The following PDZRN4 variants were observed in gnomAD, a reference collection of about 807,000 sequenced individuals.
The protein encoded by PDZRN4 is PDZ domain-containing RING finger protein 4.
PDZRN4 carries 70 observed loss-of-function variants against 99.0 expected under a neutral mutation model. That is an observed-to-expected ratio of 0.71 (90% CI 0.58 to 0.86). The LOEUF is 0.86. Ranked by LOEUF, PDZRN4 falls within the 40% of genes least tolerant of loss-of-function variation. The pLI is 0.00. For synonymous variants in PDZRN4, 551 were observed against 501.6 expected (o/e 1.10, Z -1.32); for missense variants, 1,474 against 1,331.2 (o/e 1.11, Z -1.67).
intron 3 of PDZRN4, among the ~76,000 whole-genome samples, chr12:41,449,191 G>A (rs1952754264): frequency 6.6e-6 from 1 of 152,162 alleles, no homozygotes; most frequent in Non-Finnish European, 1.5e-5. Flanking sequence ...GTGTGGTTCA[G>A]ACATTGTTTT....
intron 3 of PDZRN4, among the ~76,000 whole-genome samples, chr12:41,346,248 G>A (rs10880048): frequency 0.38 from 58,469 of 151,940 alleles, 11,332 homozygotes; most frequent in African/African-American, 0.41. Flanking sequence ...AGATCACGAG[G>A]TCAGGAGATC....
chr12:41,465,860 T>A (rs1952919371), intron 3 of PDZRN4, among the ~76,000 whole-genome samples: 1 of 152,238 alleles, frequency 6.6e-6, no homozygotes, highest in Non-Finnish European at 1.5e-5. Flanking sequence ...GCCACAGTAC[T>A]TTCACAAAAT....
At chr12:41,197,946 G>T (rs1405091252) in intron 3 of PDZRN4, among the ~76,000 whole-genome samples, 1 of 21,192 alleles carries the variant, frequency 4.7e-5, no homozygotes, top group African/African-American at 1.9e-4. Context: ...ACAGGATCTT[G>T]CTCTGTCACC....
At chr12:41,571,132 C>CCTAT (rs572412117) in intron 9 of PDZRN4, among the ~76,000 whole-genome samples, 1 of 151,788 alleles carries the variant, frequency 6.6e-6, no homozygotes, top group Non-Finnish European at 1.5e-5. Flanking sequence ...TATATCTATA[C>CCTAT]CTATCTATCT....
intron 3 of PDZRN4, among the ~76,000 whole-genome samples, chr12:41,359,441 G>A (rs10785255): frequency 0.36 from 54,553 of 151,732 alleles, 9,910 homozygotes; most frequent in Non-Finnish European, 0.39. Context: ...TATTTGGCAA[G>A]CTAGGACTTA....
At chr12:41,295,877 A>G (rs776550524) in intron 3 of PDZRN4, among the ~76,000 whole-genome samples, 2 of 152,212 alleles carry the variant, frequency 1.3e-5, no homozygotes, top group East Asian at 1.9e-4. Context: ...CAATGCCCCA[A>G]ATAAATCAGC....
Position 41,524,470 on chromosome 12 carries a change from T to C in PDZRN4, c.1203+14557T>C, listed in dbSNP as rs185484213. Among the ~76,000 whole-genome samples the C allele has an allele frequency of 6.6e-5, 10 of 152,284 alleles. No individual in the cohort carries two copies. The East Asian group carries it at 1.5e-3, about 24-fold the overall frequency. On this transcript the variant is annotated intron_variant, in intron 5 of 9. Transcript: ENST00000402685. ...GTTAATGGAGGAGCTGGTATTCACA[T>C]TGTGGTAGCCTGGCTCCAGAGCAGA...
chr12:41,334,742 A>G (rs1302923653), intron 3 of PDZRN4, among the ~76,000 whole-genome samples: 2 of 152,204 alleles, frequency 1.3e-5, no homozygotes, highest in Non-Finnish European at 2.9e-5. Flanking sequence ...GAGAAGAGAT[A>G]AATCATTGAT....
intron 3 of PDZRN4, among the ~76,000 whole-genome samples, chr12:41,233,815 G>A (rs1034448364): frequency 4.0e-5 from 6 of 151,878 alleles, no homozygotes; most frequent in African/African-American, 1.5e-4. Flanking sequence ...GGGGGAGATA[G>A]CATTAGGAGA....
chr12:41,257,825 T>C (rs1489514083), intron 3 of PDZRN4, among the ~76,000 whole-genome samples: 1 of 152,240 alleles, frequency 6.6e-6, no homozygotes, highest in Non-Finnish European at 1.5e-5. Flanking sequence ...CTCATTTTTA[T>C]TTGTCTTCCT....
At chr12:41,468,865 C>T (rs1952956949) in intron 3 of PDZRN4, among the ~76,000 whole-genome samples, 1 of 152,078 alleles carries the variant, frequency 6.6e-6, no homozygotes, top group Admixed American at 6.5e-5. Context: ...TCAAATCAGT[C>T]GGGCATGATG....
At chr12:41,453,402 T>A (rs1028422507) in intron 3 of PDZRN4, among the ~76,000 whole-genome samples, 7 of 152,244 alleles carry the variant, frequency 4.6e-5, no homozygotes, top group African/African-American at 1.7e-4. Flanking sequence ...ACCCACTTTG[T>A]TGCTTGTTTA....
intron 3 of PDZRN4, among the ~76,000 whole-genome samples, chr12:41,350,076 T>A (rs565574916): frequency 6.6e-6 from 1 of 152,172 alleles, no homozygotes; most frequent in Non-Finnish European, 1.5e-5. Context: ...TGTAAGTGAG[T>A]CTTCCATCAG....
At chr12:41,363,888 T>C (rs1347402401) in intron 3 of PDZRN4, among the ~76,000 whole-genome samples, 1 of 152,094 alleles carries the variant, frequency 6.6e-6, no homozygotes, top group Non-Finnish European at 1.5e-5. Context: ...TAAACGTGTA[T>C]AATTCCTCAT....
intron 3 of PDZRN4, among the ~76,000 whole-genome samples, chr12:41,407,236 C>T (rs1952356741): frequency 6.6e-6 from 1 of 152,138 alleles, no homozygotes; most frequent in African/African-American, 2.4e-5. Flanking sequence ...TAGGCTAGTA[C>T]TTTGGATAAT....
At chr12:41,414,931 A>G (rs1952431546) in intron 3 of PDZRN4, among the ~76,000 whole-genome samples, 1 of 152,180 alleles carries the variant, frequency 6.6e-6, no homozygotes, top group African/African-American at 2.4e-5. Context: ...TCAAGGGAAG[A>G]GCACATGTGA....
intron 1 of PDZRN4, among the ~76,000 whole-genome samples, chr12:41,190,791 C>G (rs528554241): frequency 2.6e-5 from 4 of 152,272 alleles, no homozygotes; most frequent in South Asian, 4.1e-4. Flanking sequence ...GTAAGTTAGT[C>G]TTTACTAATA....
chr12:41,452,386 C>T (rs570689994), intron 3 of PDZRN4, among the ~76,000 whole-genome samples: 13 of 150,680 alleles, frequency 8.6e-5, no homozygotes, highest in African/African-American at 3.2e-4. Context: ...TTGCAGTGAG[C>T]CAAGATTGCA....
rs2120848380 is a variant in PDZRN4 at position 41,567,781 on chromosome 12, AGCTGGATGAAG to A, written c.1472_1482del (p.Asp491AlafsTer4). 6.3e-7 allele frequency: 1 copy of A among 1,595,062 alleles called. No homozygotes were observed. The highest frequency in any genetic ancestry group is 1.3e-5 in the African/African-American group (1 of 74,556). Reference sequence around the variant, plus strand: ...ATAATGTACTAATGTATTCTTTTGCAGCTGGATGAAGGCTGGCTGGAAGATGAAAGGAATGA... The same window carrying A: ...ATAATGTACTAATGTATTCTTTTGCAGCTGGCTGGAAGATGAAAGGAATGA... On this transcript the variant is annotated splice_acceptor_variant and coding_sequence_variant, in exon 9 of 10. Coordinates refer to ENST00000402685, the MANE Select transcript of PDZRN4 (RefSeq NM_001164595.2). LOFTEE classifies it high-confidence loss of function.
Sources: gnomAD v4.1 joint callset for allele counts (sites outside exome capture counted in the v4.1 genomes callset) on GRCh38, gnomAD v4.1.1 for gene constraint, MANE v1.5 for transcripts, NCBI Gene and HGNC (gene_info 2026-07-23, HGNC 2026-07-21) for gene names.